The following VPS16 variants were observed in gnomAD, a reference collection of about 807,000 sequenced individuals.
VPS16 encodes the protein vacuolar protein sorting-associated protein 16 homolog.
A neutral mutation model predicts 116.0 loss-of-function variants in VPS16; 82 were observed. That is an observed-to-expected ratio of 0.71 (90% CI 0.59 to 0.85). The LOEUF (loss-of-function observed/expected upper bound fraction) is 0.85. VPS16 is among the 40% of genes least tolerant of loss of function. The pLI is 0.00. For synonymous variants in VPS16, 406 were observed against 420.7 expected, an observed-to-expected ratio of 0.96 and a Z score of 0.43; for missense variants, 928 against 1,090.6, an observed-to-expected ratio of 0.85 and a Z score of 2.10.
At chr20:2,844,214 CTTAG>C (rs1223596470) in intron 1 of VPS16, among the ~76,000 whole-genome samples, 2 of 152,174 alleles carry the variant, frequency 1.3e-5, no homozygotes, top group African/African-American at 4.8e-5. Flanking sequence ...AGAGCAAGTA[CTTAG>C]TTTTGTTCAT....
At chr20:2,850,048 G>A (rs2089102259) in intron 1 of VPS16, among the ~76,000 whole-genome samples, 1 of 152,250 alleles carries the variant, frequency 6.6e-6, no homozygotes, top group Admixed American at 6.5e-5. Context: ...TTGGCCTGGT[G>A]TGGGGGCTCA....
At position 2,865,508 on chromosome 20, in the gene VPS16, C is replaced by T; in HGVS notation, c.2271+13C>T. 6.2e-7 allele frequency: 1 copy of T among 1,610,892 alleles called. No homozygotes were observed. The highest frequency in any genetic ancestry group is 8.5e-7 in the Non-Finnish European group (1 of 1,178,058). ...CATTGGCTACCTGGTGAGGCAGGGT[C>T]CTCCCTCCAGCCCACTTCCAGTGAG... On this transcript the variant is annotated intron_variant, in intron 22 of 23. Coordinates refer to ENST00000380445, the MANE Select transcript of VPS16 (RefSeq NM_022575.4). The surrounding 1 kb of genome is among the most constrained non-coding windows in gnomAD (Gnocchi z 5.2).
rs145560460 is a variant in VPS16 at position 2,844,623 on chromosome 20, A to G, written c.53+3796A>G. Among the ~76,000 whole-genome samples, 803 of 152,362 alleles carry G rather than the reference A, an allele frequency of 5.3e-3. 9 individuals are homozygous for G. Among genetic ancestry groups the G allele is most frequent in the African/African-American group, 0.017 (724 of 41,576 alleles). On this transcript the variant is annotated intron_variant, in intron 1 of 23. Coordinates refer to ENST00000380445, the MANE Select transcript of VPS16 (RefSeq NM_022575.4). ...CAGTATTTGTTTGATCATAATCACT[A>G]TAAAGAGAGGTATAGTAGCAAATAA... is the stretch of plus-strand genomic sequence containing the variant.
rs370302754 is a variant in VPS16, at chr20:2,863,575, T to C, written c.1476+177T>C. ...GTCAGGTATTCGAGACTAGCCTGGC[T>C]AACATGGTGAAACCCCGTCTCTACT... On this transcript the variant is annotated intron_variant, in intron 15 of 23. Transcript: ENST00000380445. The surrounding 1 kb of genome is among the most constrained non-coding windows in gnomAD (Gnocchi z 4.4). Among the ~76,000 whole-genome samples the C allele has an allele frequency of 2.5e-3, 374 of 151,802 alleles. 2 individuals carry two copies. The South Asian group carries it at 0.027, about 11-fold the overall frequency.
At chr20:2,852,982 A>G (rs2089136504) in intron 1 of VPS16, among the ~76,000 whole-genome samples, 1 of 152,238 alleles carries the variant, frequency 6.6e-6, no homozygotes, top group Non-Finnish European at 1.5e-5. Flanking sequence ...AGAACTTTCA[A>G]AATTGGAGTT....
At chr20:2,859,888 G>C in intron 2 of VPS16, 81 bp downstream of exon 2, 6 of 1,525,802 alleles carry the variant, frequency 3.9e-6, no homozygotes, top group African/African-American at 1.4e-5. Flanking sequence ...CCTGCTGTCA[G>C]GTTGTTCTTG....
intron 1 of VPS16, among the ~76,000 whole-genome samples, chr20:2,854,830 A>ATGCTGCAC (rs2089156529): frequency 3.3e-5 from 5 of 151,734 alleles, no homozygotes; most frequent in African/African-American, 1.2e-4. Flanking sequence ...AAGAAAATTG[A>ATGCTGCAC]AATCACTCTT....
chr20:2,847,834 G>A (rs1316944451), intron 1 of VPS16, among the ~76,000 whole-genome samples: 1 of 151,932 alleles, frequency 6.6e-6, no homozygotes, highest in Admixed American at 6.6e-5. Context: ...ACCTCCCCAT[G>A]TTATACCCAT....
At chr20:2,840,968 G>C in intron 1 of VPS16, 141 bp downstream of exon 1, 1 of 775,328 alleles carries the variant, frequency 1.3e-6, no homozygotes, top group Non-Finnish European at 2.0e-6. Flanking sequence ...CTGCCACTTA[G>C]CGCACAGCCG....
intron 11 of VPS16, 84 bp from the exon 12 acceptor site, chr20:2,862,495 T>C: frequency 6.4e-7 from 1 of 1,554,490 alleles, no homozygotes; most frequent in Non-Finnish European, 8.7e-7. Context: ...CCAGCTTATT[T>C]GAACCACAAC....
chr20:2,860,007 G>T lies in VPS16; in HGVS notation c.143-47G>T. ...CAGGATGTGAGGCCTGCTTCACATG[G>T]GGTGGGCCTAGGGAGCTAGGACAGA... On this transcript the variant is annotated intron_variant, in intron 2 of 23. Transcript: ENST00000380445. The surrounding 1 kb of genome is among the most constrained non-coding windows in gnomAD (Gnocchi z 6.1). The T allele has an allele frequency of 6.2e-7, 1 of 1,606,534 alleles. No individual in the cohort carries two copies. The highest frequency in any genetic ancestry group is 8.5e-7 in the Non-Finnish European group (1 of 1,173,974).
Position 2,840,876 on chromosome 20 carries a change from C to G in VPS16, c.53+49C>G, listed in dbSNP as rs1196890506. On this transcript the variant is annotated intron_variant, in intron 1 of 23. Transcript: ENST00000380445. ...CACGGCCTGGCTTACCCTGCTCGCC[C>G]GCCGGCTGGAGTCTCCCGGCGGCGT... 5 of 1,523,492 alleles carry G rather than the reference C, an allele frequency of 3.3e-6. No homozygotes were observed. In the African/African-American group the frequency reaches 5.5e-5, roughly 17 times the overall value. The allele number at this position is 1,523,492 out of a possible 1,614,324, so 94.4% of individuals were successfully genotyped here. A position where few individuals can be genotyped will look rare whatever the true frequency, so the allele number is the denominator to read the frequency against.
chr20:2,854,807 A>AAAT (rs1491466841), intron 1 of VPS16, among the ~76,000 whole-genome samples: 2 of 132,448 alleles, frequency 1.5e-5, no homozygotes, highest in African/African-American at 6.2e-5. Context: ...AAAAAAAAAA[A>AAAT]GAAAGAAAGA....
Position 2,863,800 on chromosome 20 carries a change from GA to G in VPS16, c.1477-146del. 1.7e-6 allele frequency: 2 copies of G among 1,164,464 alleles called. No homozygotes were observed. The highest frequency in any genetic ancestry group is 2.4e-6 in the Non-Finnish European group (2 of 849,568). The allele number at this position is 1,164,464 out of a possible 1,614,324, so 72.1% of individuals were successfully genotyped here. ...GAAGTGGCGGGGGCGGAGGAGGAGG[GA>G]AAGAGAGAGAAAGAAGAAAGAGAGA... On this transcript the variant is annotated intron_variant, in intron 15 of 23. Transcript: ENST00000380445. The surrounding 1 kb of genome is among the most constrained non-coding windows in gnomAD (Gnocchi z 4.4).
chr20:2,855,088 G>A (rs1041577921), intron 1 of VPS16, among the ~76,000 whole-genome samples: 2 of 149,200 alleles, frequency 1.3e-5, no homozygotes, highest in Admixed American at 6.8e-5. Flanking sequence ...AATCTCCCGA[G>A]TAGCTGGGAC....
chr20:2,862,833 G>A lies in VPS16; in HGVS notation c.1230G>A (p.Leu410=), dbSNP rs1364653029. ...CCGCCTCCTTCGGAAAGTGTTTCCT[G>A]GACAGATTTCCACCCGACAGCTTCG... ...LRAASFGKCF[L]DRFPPDSFVH... is the part of the protein sequence containing the mutation. Residue 410 remains leucine (L), a synonymous_variant, in exon 13 of 24, where the codon CTG becomes CTA. Transcript: ENST00000380445. 6.2e-7 allele frequency: 1 copy of A among 1,614,102 alleles called. No individual in the cohort carries two copies. The highest frequency in any genetic ancestry group is 2.2e-5 in the East Asian group (1 of 44,880).
intron 1 of VPS16, among the ~76,000 whole-genome samples, chr20:2,847,585 TCTC>T (rs1389996621): frequency 1.3e-5 from 2 of 150,944 alleles, no homozygotes; most frequent in Non-Finnish European, 2.9e-5. Context: ...TTCAAGCAAA[TCTC>T]CTGCCTCAGC....
rs755176686 is a variant in VPS16 at position 2,865,298 on chromosome 20, T to G, written c.2155T>G (p.Phe719Val). The G allele has an allele frequency of 6.2e-7, 1 of 1,614,176 alleles. No individual in the cohort carries two copies. The highest frequency in any genetic ancestry group is 1.7e-5 in the Admixed American group (1 of 60,026). ...NKRAEQLARD[F>V]RIPDKRLWWL... ...GCGTGCAGAGCAGCTGGCACGTGACTTCCGCATCCCTGACAAGAGGTAGGT... is the reference window on the plus strand; with the variant it reads ...GCGTGCAGAGCAGCTGGCACGTGACGTCCGCATCCCTGACAAGAGGTAGGT... Residue 719 changes from phenylalanine to valine, a missense_variant, in exon 21 of 24, where the codon TTC becomes GTC. Transcript: ENST00000380445. This position sits in a 1 kb window ranked among gnomAD's most constrained non-coding sequence, Gnocchi z 5.2.
chr20:2,861,426 A>C, intron 8 of VPS16, 146 bp downstream of exon 8: 2 of 1,428,206 alleles, frequency 1.4e-6, no homozygotes, highest in Non-Finnish European at 1.9e-6. Context: ...CTTGAAGGAA[A>C]CCATTGTCCT....
Sources: allele counts gnomAD v4.1 joint callset (sites outside exome capture counted in the v4.1 genomes callset), GRCh38; gene constraint gnomAD v4.1.1; non-coding constraint Gnocchi (gnomAD v3.1); transcripts MANE v1.5; gene names NCBI Gene and HGNC (gene_info 2026-07-23, HGNC 2026-07-21).